The following RGP1 variants were observed in gnomAD, a reference collection of about 807,000 sequenced individuals.
The protein encoded by RGP1 is RGP1 partner of RAB6A GEF complex, also known as RAB6A-GEF complex partner protein 2.
RGP1 carries 28 observed loss-of-function variants against 44.5 expected under a neutral mutation model. The observed-to-expected ratio is 0.63, with a 90% CI of 0.47 to 0.86. The LOEUF (loss-of-function observed/expected upper bound fraction) is 0.86. Among genes scored for constraint, RGP1 ranks in the 40% least tolerant of loss-of-function variants. The pLI, the probability that RGP1 is intolerant of heterozygous loss-of-function variation, is 0.00. For missense variants in RGP1, 417 were observed against 490.7 expected (o/e 0.85, Z 1.42); for synonymous variants, 212 against 196.7 (o/e 1.08, Z -0.65).
At chr9:35,776,905 G>A in the RGP1 span, among the ~76,000 whole-genome samples, 1 of 150,330 alleles carries the variant, frequency 6.7e-6, no homozygotes, top group Admixed American at 6.6e-5. Flanking sequence ...TGAGGCAGGA[G>A]AATCGCTTGA....
In RGP1 at chr9:35,749,901, C is replaced by T. The variant is rs1827205275; in HGVS notation, c.116+30C>T. The T allele has an allele frequency of 1.3e-6, 2 of 1,530,318 alleles. No individual in the cohort carries two copies. Among genetic ancestry groups the T allele is most frequent in the African/African-American group, 1.4e-5 (1 of 72,506 alleles). 94.8% of individuals were successfully genotyped at this position (1,530,318 alleles called of 1,614,324 possible). On this transcript the variant is annotated intron_variant, in intron 2 of 8. Transcript: ENST00000378078. The surrounding 1 kb of genome is among the most constrained non-coding windows in gnomAD (Gnocchi z 4.4). ...GGATGCTGGCACTGAAGGTGGTGGCCCTTCTGGGAAGAAGCCAGATTATCT... is the reference window on the plus strand; with the variant it reads ...GGATGCTGGCACTGAAGGTGGTGGCTCTTCTGGGAAGAAGCCAGATTATCT...
the RGP1 span, among the ~76,000 whole-genome samples, chr9:35,784,571 G>T: frequency 3.9e-5 from 6 of 152,092 alleles, no homozygotes; most frequent in African/African-American, 1.4e-4. Flanking sequence ...TCCTCCCTCA[G>T]CCTCTCAAGT....
At chr9:35,763,027 C>T (rs919028505), downstream of RGP1, among the ~76,000 whole-genome samples, 5 of 152,220 alleles carry the variant, frequency 3.3e-5, no homozygotes, top group Non-Finnish European at 5.9e-5. Flanking sequence ...GTTTCTTCCA[C>T]TCTACAAGTC....
At chr9:35,775,050 T>C in the RGP1 span, among the ~76,000 whole-genome samples, 1 of 152,214 alleles carries the variant, frequency 6.6e-6, no homozygotes. Context: ...ATCAGTTCTG[T>C]CTCTTCACTC....
chr9:35,761,558 C>T (rs1026085879), downstream of RGP1, among the ~76,000 whole-genome samples: 1 of 152,032 alleles, frequency 6.6e-6, no homozygotes, highest in Non-Finnish European at 1.5e-5. Flanking sequence ...CCCGTAGTCT[C>T]GGCTACTTGG....
chr9:35,770,758 T>C, the RGP1 span, among the ~76,000 whole-genome samples: 1 of 152,116 alleles, frequency 6.6e-6, no homozygotes, highest in Non-Finnish European at 1.5e-5. Context: ...AGGTTACTTA[T>C]AATAATTGAA....
At chr9:35,790,074 T>C in the RGP1 span, 2 of 153,672 alleles carry the variant, frequency 1.3e-5, no homozygotes, top group Non-Finnish European at 2.9e-5. Flanking sequence ...CTATTCTATT[T>C]GGTTGACTTG....
chr9:35,769,002 C>T, the RGP1 span, among the ~76,000 whole-genome samples: 25 of 152,208 alleles, frequency 1.6e-4, no homozygotes, highest in Non-Finnish European at 3.2e-4. Flanking sequence ...CCACCACTTT[C>T]GATAAACTGA....
At chr9:35,765,485 C>T in the RGP1 span, among the ~76,000 whole-genome samples, 1 of 151,910 alleles carries the variant, frequency 6.6e-6, no homozygotes, top group Non-Finnish European at 1.5e-5. Context: ...GGTGAAACCC[C>T]ATCTCTACAA....
downstream of RGP1, among the ~76,000 whole-genome samples, chr9:35,759,618 A>T (rs1250499563): frequency 6.7e-6 from 1 of 148,456 alleles, no homozygotes; most frequent in Non-Finnish European, 1.5e-5. Context: ...TTGCTATGAA[A>T]CTGAAATTGC....
At chr9:35,788,593 G>A in the RGP1 span, among the ~76,000 whole-genome samples, 2 of 150,836 alleles carry the variant, frequency 1.3e-5, no homozygotes, top group Non-Finnish European at 3.0e-5. Context: ...AAAAGAAAAA[G>A]AAAGAGGGTG....
In RGP1 at chr9:35,753,685, G is replaced by C; in HGVS notation, c.*811G>C. ...GTGTCACAGCAGCCCACGCCAACAG[G>C]ATGCAGACAGGTGCAATGGAAACAG... On this transcript the variant is annotated 3_prime_UTR_variant, in exon 9 of 9. Transcript: ENST00000378078. The surrounding 1 kb of genome is among the most constrained non-coding windows in gnomAD (Gnocchi z 4.2). 6.2e-7 allele frequency: 1 copy of C among 1,614,090 alleles called. No homozygotes were observed. Among genetic ancestry groups the C allele is most frequent in the Non-Finnish European group, 8.5e-7 (1 of 1,179,992 alleles).
At chr9:35,766,432 C>T in the RGP1 span, among the ~76,000 whole-genome samples, 1 of 151,980 alleles carries the variant, frequency 6.6e-6, no homozygotes. Context: ...GGTGGCTTGC[C>T]TTTTTATTTT....
the RGP1 span, chr9:35,790,267 G>A: frequency 2.0e-5 from 3 of 153,654 alleles, no homozygotes; most frequent in Non-Finnish European, 4.4e-5. Flanking sequence ...CTGGGCTTGA[G>A]GCAAGAACAT....
chr9:35,778,708 A>G, the RGP1 span, among the ~76,000 whole-genome samples: 1 of 152,206 alleles, frequency 6.6e-6, no homozygotes, highest in Non-Finnish European at 1.5e-5. Flanking sequence ...TGCACAAATA[A>G]TGCACATTCG....
At chr9:35,780,177 G>C in the RGP1 span, 2 of 152,170 alleles carry the variant, frequency 1.3e-5, no homozygotes, top group African/African-American at 4.8e-5. Flanking sequence ...AACCACCAAG[G>C]AGCTAAAACC....
rs199844813 is a variant in RGP1, at chr9:35,750,890, C to G, written c.388C>G (p.Gln130Glu). ...PIEGPPSFRG[Q>E]SVKYVYKLTI... ...AGAGGGACCACCCTCCTTTCGGGGT[C>G]AGTCAGTCAAGTACGTCTACAAACT... Residue 130 changes from glutamine (Q) to glutamate (E), a missense_variant, in exon 5 of 9, where the codon CAG (glutamine) becomes GAG (glutamate). Physicochemically the swap from Gln to Glu is conservative, Grantham distance 29 (BLOSUM62 2). Coordinates refer to ENST00000378078, the MANE Select transcript of RGP1 (RefSeq NM_001080496.3). 4.7e-4 allele frequency: 753 copies of G among 1,613,836 alleles called. 3 individuals carry two copies. The highest frequency in any genetic ancestry group is 1.6e-4 in the Middle Eastern group (1 of 6,084).
At chr9:35,777,806 G>C in the RGP1 span, among the ~76,000 whole-genome samples, 4 of 152,026 alleles carry the variant, frequency 2.6e-5, no homozygotes, top group African/African-American at 9.7e-5. Flanking sequence ...CAGCTATGAG[G>C]GATTCACCAT....
chr9:35,753,383 T>G lies in RGP1; in HGVS notation c.*509T>G. ...ACAGTTTTCCCCCCACAGAGCCCCTTTCAGTGGCCCCTTGGTCCTCCTAAC... is the reference window on the plus strand; with the variant it reads ...ACAGTTTTCCCCCCACAGAGCCCCTGTCAGTGGCCCCTTGGTCCTCCTAAC... On this transcript the variant is annotated 3_prime_UTR_variant, in exon 9 of 9. Coordinates refer to ENST00000378078, the MANE Select transcript of RGP1 (RefSeq NM_001080496.3). This position sits in a 1 kb window ranked among gnomAD's most constrained non-coding sequence, Gnocchi z 4.2. The G allele has an allele frequency of 7.7e-7, 1 of 1,301,476 alleles. No homozygotes were observed. The highest frequency in any genetic ancestry group is 1.1e-6 in the Non-Finnish European group (1 of 946,940). The allele number at this position is 1,301,476 out of a possible 1,614,324, so 80.6% of individuals were successfully genotyped here.
Sources: allele counts gnomAD v4.1 joint callset (sites outside exome capture counted in the v4.1 genomes callset), GRCh38; gene constraint gnomAD v4.1.1; non-coding constraint Gnocchi (gnomAD v3.1); transcripts MANE v1.5; gene names NCBI Gene and HGNC (gene_info 2026-07-23, HGNC 2026-07-21).